The following PRKCA variants were observed in gnomAD, a reference collection of about 807,000 sequenced individuals.
The protein encoded by PRKCA is protein kinase C alpha type.
PRKCA carries 27 observed loss-of-function variants against 87.0 expected under a neutral mutation model. The observed-to-expected ratio is 0.31, with a 90% CI of 0.23 to 0.43. PRKCA has a LOEUF of 0.43. PRKCA is among the 20% of genes least tolerant of loss of function. The pLI is 1.00. For missense variants in PRKCA, 518 were observed against 852.3 expected (o/e 0.61, Z 4.88); for synonymous variants, 329 against 311.1 (o/e 1.06, Z -0.61).
intron 3 of PRKCA, among the ~76,000 whole-genome samples, chr17:66,588,313 G>T (rs79722393): frequency 0.02 from 3,017 of 152,114 alleles, 113 homozygotes; most frequent in African/African-American, 0.068. Context: ...CTGTTTTGGG[G>T]CATGAGGAAG....
rs181559419 is a variant in PRKCA at position 66,651,945 on chromosome 17, T to C, written c.529+6434T>C. Among the ~76,000 whole-genome samples, 3 of 152,326 alleles carry C rather than the reference T, an allele frequency of 2.0e-5. No homozygotes were observed. The East Asian group carries it at 5.8e-4, about 29-fold the overall frequency. Reference sequence around the variant, plus strand: ...CTAATGGTTTTAACCTTGATTATTTTATTTTTTATTTATTTGTTTATTTAT... The same window carrying C: ...CTAATGGTTTTAACCTTGATTATTTCATTTTTTATTTATTTGTTTATTTAT... On this transcript the variant is annotated intron_variant, in intron 5 of 16. Coordinates refer to ENST00000413366, the MANE Select transcript of PRKCA (RefSeq NM_002737.3).
intron 2 of PRKCA, among the ~76,000 whole-genome samples, chr17:66,412,959 A>G (rs1911902084): frequency 6.6e-6 from 1 of 152,106 alleles, no homozygotes; most frequent in Non-Finnish European, 1.5e-5. Flanking sequence ...TTCAGATACC[A>G]GATATGTGGA....
chr17:66,775,016 C>T (rs1282203019), intron 14 of PRKCA: 2 of 985,304 alleles, frequency 2.0e-6, no homozygotes, highest in Non-Finnish European at 2.4e-6. Context: ...ATCGTACTAT[C>T]TGCCACTTCT....
At chr17:66,673,453 C>T (rs1049875291) in intron 5 of PRKCA, among the ~76,000 whole-genome samples, 1 of 152,152 alleles carries the variant, frequency 6.6e-6, no homozygotes, top group Non-Finnish European at 1.5e-5. Flanking sequence ...TGTACAGGGC[C>T]ATATGAAGCT....
chr17:66,534,495 A>G (rs1191051061), intron 3 of PRKCA, among the ~76,000 whole-genome samples: 1 of 151,998 alleles, frequency 6.6e-6, no homozygotes, highest in Non-Finnish European at 1.5e-5. Context: ...GTGAAACCCC[A>G]TCTCTACTAA....
intron 3 of PRKCA, among the ~76,000 whole-genome samples, chr17:66,538,173 C>T (rs1013528501): frequency 3.3e-5 from 5 of 152,296 alleles, no homozygotes; most frequent in African/African-American, 1.2e-4. Flanking sequence ...CTGATCCCTT[C>T]TGGAGATGTG....
At chr17:66,358,382 G>A (rs529924097) in intron 2 of PRKCA, among the ~76,000 whole-genome samples, 63 of 152,120 alleles carry the variant, frequency 4.1e-4, no homozygotes, top group Non-Finnish European at 7.9e-4. Flanking sequence ...GCTGCATAAT[G>A]TGTAAGTCCT....
intron 3 of PRKCA, among the ~76,000 whole-genome samples, chr17:66,622,069 G>T (rs1970701006): frequency 6.6e-6 from 1 of 151,828 alleles, no homozygotes; most frequent in African/African-American, 2.4e-5. Context: ...GCTAGCCATG[G>T]CAGTAGCTCT....
At position 66,804,534 on chromosome 17, in the gene PRKCA, G is replaced by A. The variant is rs188931478; in HGVS notation, c.*497G>A. 5.0e-3 allele frequency: 765 copies of A among 153,480 alleles called. 4 individuals are homozygous for A. Among genetic ancestry groups the A allele is most frequent in the Non-Finnish European group, 8.5e-3 (586 of 68,788 alleles). 9.5% of individuals were successfully genotyped at this position (153,480 alleles called of 1,614,324 possible). On this transcript the variant is annotated 3_prime_UTR_variant, in exon 17 of 17. Coordinates refer to ENST00000413366, the MANE Select transcript of PRKCA (RefSeq NM_002737.3). ...GGGGAGGCCTCAAAATACCGACTGCGTCCATTCTCTGCCTCCATGGAAACA... is the reference window on the plus strand; with the variant it reads ...GGGGAGGCCTCAAAATACCGACTGCATCCATTCTCTGCCTCCATGGAAACA...
chr17:66,778,017 C>G (rs774112900), intron 14 of PRKCA: 40 of 985,258 alleles, frequency 4.1e-5, no homozygotes, highest in Non-Finnish European at 4.6e-5. Flanking sequence ...GGCCTCAGAC[C>G]TCATTTGCAA....
intron 3 of PRKCA, among the ~76,000 whole-genome samples, chr17:66,637,367 C>T (rs1323085412): frequency 6.6e-6 from 1 of 152,172 alleles, no homozygotes; most frequent in East Asian, 1.9e-4. Flanking sequence ...ATTCTGCGCC[C>T]TCCGCACTGT....
chr17:66,477,669 C>T (rs1431702860), intron 2 of PRKCA, among the ~76,000 whole-genome samples: 1 of 152,300 alleles, frequency 6.6e-6, no homozygotes, highest in East Asian at 1.9e-4. Flanking sequence ...CACTGCACTC[C>T]AGCCTGGGCA....
At chr17:66,353,105 TCTA>T (rs1390445890) in intron 2 of PRKCA, among the ~76,000 whole-genome samples, 1 of 151,186 alleles carries the variant, frequency 6.6e-6, no homozygotes, top group East Asian at 1.9e-4. Flanking sequence ...ACTCCAGAGA[TCTA>T]CTACACAGCT....
intron 2 of PRKCA, among the ~76,000 whole-genome samples, chr17:66,417,052 C>T (rs1037732759): frequency 1.3e-5 from 2 of 152,082 alleles, no homozygotes; most frequent in Admixed American, 1.3e-4. Context: ...GTGCCCCCTA[C>T]CACGCCCAGC....
chr17:66,738,321 A>G (rs1157875111), intron 10 of PRKCA, among the ~76,000 whole-genome samples: 2 of 152,258 alleles, frequency 1.3e-5, no homozygotes, highest in Admixed American at 6.5e-5. Flanking sequence ...ACACGATACT[A>G]CATTAGTATG....
intron 14 of PRKCA, among the ~76,000 whole-genome samples, chr17:66,781,281 ATGAGATCAGAGGGGAGG>A (rs1568030264): frequency 6.6e-6 from 1 of 152,032 alleles, no homozygotes; most frequent in African/African-American, 2.4e-5. Flanking sequence ...GCACCGGCCA[ATGAGATCAGAGGGGAGG>A]TGTCCAGGGT....
At chr17:66,579,844 G>A (rs1405847153) in intron 3 of PRKCA, among the ~76,000 whole-genome samples, 1 of 152,094 alleles carries the variant, frequency 6.6e-6, no homozygotes, top group Non-Finnish European at 1.5e-5. Flanking sequence ...AGGGAAGGAG[G>A]CAGAGAGAGG....
chr17:66,414,336 T>C (rs979650315), intron 2 of PRKCA, among the ~76,000 whole-genome samples: 2 of 152,182 alleles, frequency 1.3e-5, no homozygotes, highest in African/African-American at 2.4e-5. Flanking sequence ...CTGCTCCCTC[T>C]TTCTTCCTCC....
intron 3 of PRKCA, among the ~76,000 whole-genome samples, chr17:66,523,337 A>G (rs1324596440): frequency 6.6e-6 from 1 of 152,168 alleles, no homozygotes; most frequent in South Asian, 2.1e-4. Context: ...AAAAAGCACA[A>G]ACTTTGGAGT....
Sources: gnomAD v4.1 joint callset for allele counts (sites outside exome capture counted in the v4.1 genomes callset) on GRCh38, gnomAD v4.1.1 for gene constraint, MANE v1.5 for transcripts, NCBI Gene and HGNC (gene_info 2026-07-23, HGNC 2026-07-21) for gene names.